PUM1: variants seen among roughly 807,000 people sequenced by gnomAD.
PUM1 encodes the protein pumilio RNA binding family member 1.
A neutral mutation model predicts 131.8 loss-of-function variants in PUM1; 13 were observed. The observed-to-expected ratio is 0.10, with a 90% CI of 0.06 to 0.16. PUM1 has a LOEUF of 0.16. Ranked by LOEUF, PUM1 falls within the 10% of genes least tolerant of loss-of-function variation. The pLI, the probability that PUM1 is intolerant of heterozygous loss-of-function variation, is 1.00. For missense variants in PUM1, 961 were observed against 1,512.4 expected, an observed-to-expected ratio of 0.64 and a Z score of 6.05; for synonymous variants, 509 against 556.5, an observed-to-expected ratio of 0.91 and a Z score of 1.20.
chr1:31,042,454 CA>C (rs1643851807), intron 2 of PUM1, among the ~76,000 whole-genome samples: 1 of 152,086 alleles, frequency 6.6e-6, no homozygotes, highest in Non-Finnish European at 1.5e-5. Context: ...ATAACTAATG[CA>C]AAGGACAGCA....
At chr1:30,950,287 C>T in intron 16 of PUM1, 26 bp from the exon 17 acceptor site, 1 of 1,601,798 alleles carries the variant, frequency 6.2e-7, no homozygotes, top group Non-Finnish European at 8.5e-7. Context: ...GGGTAAACAC[C>T]ATTACTTAAG....
At chr1:30,980,389 A>G (rs1641313307) in intron 8 of PUM1, among the ~76,000 whole-genome samples, 1 of 152,240 alleles carries the variant, frequency 6.6e-6, no homozygotes, top group African/African-American at 2.4e-5. Context: ...CTAAAGAAAT[A>G]TTTAACTTAA....
At position 31,059,607 on chromosome 1, in the gene PUM1, T is replaced by C. The variant is rs1644322942; in HGVS notation, c.-11-30A>G. 2.0e-6 allele frequency: 3 copies of C among 1,537,080 alleles called. No homozygotes were observed. In the South Asian group the frequency reaches 3.8e-5, roughly 19 times the overall value. On this transcript the variant is annotated intron_variant, in intron 1 of 21. Transcript: ENST00000426105. ...GGACAAACAGGTTACAAATATTTAA[T>C]ATTTCCATCTTTTGAAACATAAAAC...
At chr1:31,046,480 G>A (rs911361819) in intron 2 of PUM1, among the ~76,000 whole-genome samples, 1 of 107,776 alleles carries the variant, frequency 9.3e-6, no homozygotes, top group African/African-American at 3.9e-5. Context: ...ACTGCAGCGG[G>A]GTTTTTGGGT....
intron 3 of PUM1, among the ~76,000 whole-genome samples, chr1:31,013,150 C>T (rs1642683243): frequency 6.6e-6 from 1 of 152,148 alleles, no homozygotes. Flanking sequence ...ATCACCTAGG[C>T]CATGTCAGTA....
chr1:31,058,002 A>G (rs939403522), intron 2 of PUM1, among the ~76,000 whole-genome samples: 1 of 152,192 alleles, frequency 6.6e-6, no homozygotes, highest in Non-Finnish European at 1.5e-5. Context: ...ATCAGGAAAC[A>G]TGGATAAGGC....
intron 18 of PUM1, among the ~76,000 whole-genome samples, chr1:30,942,455 A>G (rs980694307): frequency 6.6e-6 from 1 of 151,914 alleles, no homozygotes; most frequent in Non-Finnish European, 1.5e-5. Context: ...AAGTGTGTCA[A>G]CTGACAACCT....
At chr1:31,027,306 C>A (rs932858960) in intron 3 of PUM1, among the ~76,000 whole-genome samples, 3 of 152,016 alleles carry the variant, frequency 2.0e-5, no homozygotes, top group Non-Finnish European at 2.9e-5. Context: ...AAGAAAAACA[C>A]CTGGAATTGG....
intron 3 of PUM1, among the ~76,000 whole-genome samples, chr1:31,007,908 C>T (rs1412422543): frequency 2.0e-5 from 3 of 152,212 alleles, no homozygotes; most frequent in Non-Finnish European, 4.4e-5. Flanking sequence ...AGTGACCAGG[C>T]TTACAAAGTA....
intron 3 of PUM1, among the ~76,000 whole-genome samples, chr1:31,017,954 G>A (rs1043714704): frequency 6.6e-6 from 1 of 152,194 alleles, no homozygotes; most frequent in Non-Finnish European, 1.5e-5. Context: ...TAGTAATCCA[G>A]ATGTGAAATG....
chr1:31,009,124 G>A (rs370220287), intron 3 of PUM1, among the ~76,000 whole-genome samples: 3 of 151,364 alleles, frequency 2.0e-5, no homozygotes, highest in Non-Finnish European at 2.9e-5. Context: ...GGGAGGGTGC[G>A]GTGAGCTAAG....
At chr1:30,953,665 A>C in intron 15 of PUM1, 49 bp downstream of exon 15, 2 of 1,601,786 alleles carry the variant, frequency 1.2e-6, no homozygotes, top group South Asian at 2.2e-5. Flanking sequence ...CAAGACAGTT[A>C]AGGCATTACA....
intron 19 of PUM1, 70 bp downstream of exon 19, chr1:30,941,928 A>C (rs1639452304): frequency 7.2e-7 from 1 of 1,398,590 alleles, no homozygotes; most frequent in Non-Finnish European, 9.8e-7. Context: ...CTACACTGAC[A>C]AAACACACAA....
At chr1:31,062,709 C>T (rs1293998848) in intron 1 of PUM1, among the ~76,000 whole-genome samples, 3 of 151,932 alleles carry the variant, frequency 2.0e-5, no homozygotes, top group Non-Finnish European at 4.4e-5. Flanking sequence ...TCAAAGCCAT[C>T]GGCCTAACAG....
At chr1:31,028,088 A>G (rs977875394) in intron 3 of PUM1, among the ~76,000 whole-genome samples, 3 of 152,214 alleles carry the variant, frequency 2.0e-5, no homozygotes, top group Admixed American at 6.5e-5. Context: ...CACAGCTACA[A>G]TAGCCAGCAG....
chr1:31,012,552 T>TAAAAAAAAAAA (rs10666570), intron 3 of PUM1, among the ~76,000 whole-genome samples: 1 of 119,140 alleles, frequency 8.4e-6, no homozygotes, highest in African/African-American at 3.1e-5. Flanking sequence ...TTATGAAAAG[T>TAAAAAAAAAAA]AAAAAAAAAA....
At chr1:31,043,989 G>A (rs902030756) in intron 2 of PUM1, among the ~76,000 whole-genome samples, 2 of 151,648 alleles carry the variant, frequency 1.3e-5, no homozygotes, top group African/African-American at 4.9e-5. Context: ...AAAAAAACTT[G>A]AACACAAATG....
rs1173415268 is a variant in PUM1, at chr1:31,059,062, A to T, written c.363+142T>A. 3 of 972,510 alleles carry T rather than the reference A, an allele frequency of 3.1e-6. No homozygotes were observed. The Admixed American group carries it at 8.0e-5, about 26-fold the overall frequency. The allele number at this position is 972,510 out of a possible 1,614,324, so 60.2% of individuals were successfully genotyped here. On this transcript the variant is annotated intron_variant, in intron 2 of 21. Coordinates refer to ENST00000426105, the MANE Select transcript of PUM1 (RefSeq NM_001020658.2). Reference sequence around the variant, plus strand: ...ATGACCCAGTAACAGTATTACAATGATCAACCTTTATAACAAGTAACTGTT... The same window carrying T: ...ATGACCCAGTAACAGTATTACAATGTTCAACCTTTATAACAAGTAACTGTT...
intron 3 of PUM1, among the ~76,000 whole-genome samples, chr1:31,023,517 T>G (rs568861989): frequency 6.6e-6 from 1 of 152,280 alleles, no homozygotes; most frequent in African/African-American, 2.4e-5. Context: ...ATTTAACAGA[T>G]TTAGTCTCCA....
Sources: allele counts gnomAD v4.1 joint callset (sites outside exome capture counted in the v4.1 genomes callset), GRCh38; gene constraint gnomAD v4.1.1; transcripts MANE v1.5; gene names NCBI Gene and HGNC (gene_info 2026-07-23, HGNC 2026-07-21).